The following ZSCAN25 variants were observed in gnomAD, a reference collection of about 807,000 sequenced individuals.
ZSCAN25 encodes the protein zinc finger and SCAN domain-containing protein 25.
ZSCAN25 carries 27 observed loss-of-function variants against 38.7 expected under a neutral mutation model. The observed-to-expected ratio is 0.70, with a 90% CI of 0.51 to 0.96. The LOEUF (loss-of-function observed/expected upper bound fraction) is 0.96. Ranked by LOEUF, ZSCAN25 falls within the 40% of genes least tolerant of loss-of-function variation. The probability of loss-of-function intolerance (pLI) is 0.00; values close to 1 mark genes in which losing one functional copy is unlikely to be tolerated. For missense variants in ZSCAN25, 637 were observed against 705.9 expected (o/e 0.90, Z 1.11); for synonymous variants, 273 against 277.7 (o/e 0.98, Z 0.17).
the ZSCAN25 span, among the ~76,000 whole-genome samples, chr7:99,706,817 C>T: frequency 1.3e-5 from 2 of 152,314 alleles, no homozygotes; most frequent in East Asian, 1.9e-4. Context: ...ACTCCTTAAA[C>T]ATTTACCAAA....
At chr7:99,720,208 C>T in the ZSCAN25 span, 28 of 1,428,552 alleles carry the variant, frequency 2.0e-5, no homozygotes, top group Non-Finnish European at 2.7e-5. Context: ...GTACATGGAA[C>T]CTTCCTGCAC....
the ZSCAN25 span, among the ~76,000 whole-genome samples, chr7:99,686,268 G>A: frequency 1.3e-5 from 2 of 152,222 alleles, no homozygotes; most frequent in African/African-American, 2.4e-5. Flanking sequence ...AAAGAAAGGG[G>A]TGACAGACAG....
At chr7:99,651,278 G>A in the ZSCAN25 span, among the ~76,000 whole-genome samples, 3 of 152,070 alleles carry the variant, frequency 2.0e-5, no homozygotes, top group East Asian at 1.9e-4. Context: ...ACACATATAC[G>A]TATATATCAC....
At chr7:99,710,770 T>C in the ZSCAN25 span, 2 of 1,613,940 alleles carry the variant, frequency 1.2e-6, no homozygotes, top group Non-Finnish European at 1.7e-6. Flanking sequence ...TTCTGCACTT[T>C]CTGCTGGACA....
chr7:99,674,618 T>G, the ZSCAN25 span: 2 of 1,583,214 alleles, frequency 1.3e-6, no homozygotes, highest in Non-Finnish European at 1.7e-6. Flanking sequence ...AGTTGATTAT[T>G]ATTTTAAATA....
the ZSCAN25 span, among the ~76,000 whole-genome samples, chr7:99,727,877 T>C: frequency 6.6e-6 from 1 of 152,214 alleles, no homozygotes; most frequent in African/African-American, 2.4e-5. Context: ...TTCTTCACTA[T>C]GCAAGTGTCC....
chr7:99,723,161 T>C, the ZSCAN25 span, among the ~76,000 whole-genome samples: 8 of 152,158 alleles, frequency 5.3e-5, no homozygotes, highest in Non-Finnish European at 5.9e-5. Flanking sequence ...TCAGGCCTCT[T>C]AGCCCAAGCC....
the ZSCAN25 span, among the ~76,000 whole-genome samples, chr7:99,731,822 C>A: frequency 7.2e-5 from 11 of 152,104 alleles, no homozygotes; most frequent in African/African-American, 2.4e-4. Context: ...GAAGTGCGAG[C>A]ACCTTTTAGC....
chr7:99,639,233 T>C, the ZSCAN25 span, among the ~76,000 whole-genome samples: 3 of 152,206 alleles, frequency 2.0e-5, no homozygotes, highest in East Asian at 1.9e-4. Flanking sequence ...CAGGATAATA[T>C]GTCAATTAGA....
chr7:99,667,196 T>G, the ZSCAN25 span: 7 of 866,368 alleles, frequency 8.1e-6, no homozygotes, highest in Non-Finnish European at 1.0e-5. Context: ...GCAAGCCATA[T>G]TCAAGATGCT....
chr7:99,638,916 G>C, the ZSCAN25 span: 1 of 528,584 alleles, frequency 1.9e-6, no homozygotes, highest in Admixed American at 3.2e-5. Flanking sequence ...CAGGCCTGTC[G>C]CTCACTCGGG....
At position 99,621,504 on chromosome 7, in the gene ZSCAN25, T is replaced by C. The variant is rs775689109; in HGVS notation, c.519T>C (p.Gly173=). Reference sequence around the variant, plus strand: ...TGCCCCCTGGGGAAGGAGTTCAAGGTCCAGACCCAGGTACCGAGGAGCAGC... The same window carrying C: ...TGCCCCCTGGGGAAGGAGTTCAAGGCCCAGACCCAGGTACCGAGGAGCAGC... ...WGMPPGEGVQ[G]PDPGTEEQLS... is the part of the protein sequence containing the mutation. Residue 173 remains glycine, a synonymous_variant, in exon 5 of 8, where the codon GGT becomes GGC. Transcript: ENST00000394152. 1 of 1,574,972 alleles carries C rather than the reference T, an allele frequency of 6.3e-7. No homozygotes were observed. Among genetic ancestry groups the C allele is most frequent in the Non-Finnish European group, 8.7e-7 (1 of 1,155,564 alleles).
the ZSCAN25 span, among the ~76,000 whole-genome samples, chr7:99,733,691 G>T: frequency 6.6e-6 from 1 of 152,094 alleles, no homozygotes. Context: ...ACCTCCACTA[G>T]GGGGCCAGGA....
the ZSCAN25 span, among the ~76,000 whole-genome samples, chr7:99,722,091 A>T: frequency 2.6e-5 from 4 of 152,320 alleles, no homozygotes; most frequent in East Asian, 3.9e-4. Flanking sequence ...CTGAATTTGC[A>T]CATAGCTTAT....
the ZSCAN25 span, among the ~76,000 whole-genome samples, chr7:99,715,075 A>C: frequency 6.6e-6 from 1 of 152,344 alleles, no homozygotes; most frequent in Non-Finnish European, 1.5e-5. Flanking sequence ...TCTGTCACCT[A>C]TCATAGGATA....
chr7:99,631,210 C>T lies in ZSCAN25; in HGVS notation c.*1190C>T. ...CCTGAAATGCATTTGTCACCTACCTCTTGTTACTAAATGGTCTCTGCCCTC... is the reference window on the plus strand; with the variant it reads ...CCTGAAATGCATTTGTCACCTACCTTTTGTTACTAAATGGTCTCTGCCCTC... On this transcript the variant is annotated 3_prime_UTR_variant, in exon 8 of 8. Coordinates refer to ENST00000394152, the MANE Select transcript of ZSCAN25 (RefSeq NM_145115.3). The T allele has an allele frequency of 2.0e-6, 2 of 985,446 alleles. No homozygotes were observed. The highest frequency in any genetic ancestry group is 9.4e-5 in the South Asian group (2 of 21,288). 61.0% of individuals were successfully genotyped at this position (985,446 alleles called of 1,614,324 possible). A position where few individuals can be genotyped will look rare whatever the true frequency, so the allele number is the denominator to read the frequency against.
chr7:99,646,688 A>G, the ZSCAN25 span, among the ~76,000 whole-genome samples: 1 of 152,070 alleles, frequency 6.6e-6, no homozygotes, highest in Non-Finnish European at 1.5e-5. Flanking sequence ...GGTTCCCTTC[A>G]GTGGAAAATG....
the ZSCAN25 span, among the ~76,000 whole-genome samples, chr7:99,677,466 G>A: frequency 2.6e-5 from 4 of 152,228 alleles, no homozygotes; most frequent in African/African-American, 9.6e-5. Flanking sequence ...GGTGCAGTAT[G>A]GCATATAAGA....
At chr7:99,628,448 AATTTAGAGAGAATATAAGAAGGATCAG>A (rs1474265790) in intron 7 of ZSCAN25, among the ~76,000 whole-genome samples, 1 of 151,850 alleles carries the variant, frequency 6.6e-6, no homozygotes, top group African/African-American at 2.4e-5. Flanking sequence ...CTGTTCCGTT[AATTTAGAGAGAATATAAGAAGGATCAG>A]AGTGAGGATG....
Sources: allele counts gnomAD v4.1 joint callset (sites outside exome capture counted in the v4.1 genomes callset), GRCh38; gene constraint gnomAD v4.1.1; transcripts MANE v1.5; gene names NCBI Gene and HGNC (gene_info 2026-07-23, HGNC 2026-07-21).